The following AFG1L variants were observed in gnomAD, a reference collection of about 807,000 sequenced individuals.
AFG1L encodes the protein AFG1 like ATPase, also known as AFG1-like ATPase.
A neutral mutation model predicts 62.2 loss-of-function variants in AFG1L; 53 were observed. The ratio of observed to expected loss-of-function variants is 0.85; its 90% CI spans 0.68 to 1.07. The LOEUF (loss-of-function observed/expected upper bound fraction) is 1.07, where lower values mean the gene tolerates loss of function less well. AFG1L is among the 50% of genes least tolerant of loss of function. The pLI, the probability that AFG1L is intolerant of heterozygous loss-of-function variation, is 0.00. For synonymous variants in AFG1L, 228 were observed against 210.3 expected (o/e 1.08, Z -0.73); for missense variants, 555 against 590.5 (o/e 0.94, Z 0.62).
intron 5 of AFG1L, among the ~76,000 whole-genome samples, chr6:108,357,635 A>G (rs1779343269): frequency 6.6e-6 from 1 of 152,230 alleles, no homozygotes; most frequent in South Asian, 2.1e-4. Flanking sequence ...AGAACAAGTG[A>G]TTCATCTCAT....
intron 6 of AFG1L, chr6:108,372,993 G>T (rs2114523095): frequency 6.6e-6 from 1 of 152,118 alleles, no homozygotes; most frequent in Middle Eastern, 3.4e-3. Flanking sequence ...CCAGAACTCA[G>T]CCTAGATTTT....
At chr6:108,454,798 G>T (rs540023268) in intron 8 of AFG1L, among the ~76,000 whole-genome samples, 1 of 152,062 alleles carries the variant, frequency 6.6e-6, no homozygotes, top group African/African-American at 2.4e-5. Context: ...GATTACAGGC[G>T]CATGCCACCA....
At chr6:108,463,166 G>A (rs976845460) in intron 8 of AFG1L, among the ~76,000 whole-genome samples, 1 of 151,742 alleles carries the variant, frequency 6.6e-6, no homozygotes, top group African/African-American at 2.4e-5. Flanking sequence ...GTGCATGCCT[G>A]TAATCTCAGC....
intron 10 of AFG1L, among the ~76,000 whole-genome samples, chr6:108,507,082 A>G (rs1370823190): frequency 6.6e-6 from 1 of 152,198 alleles, no homozygotes; most frequent in African/African-American, 2.4e-5. Flanking sequence ...TCATGTTTTT[A>G]AAGAAAAAAG....
intron 8 of AFG1L, among the ~76,000 whole-genome samples, chr6:108,473,860 G>A (rs1185760161): frequency 1.3e-5 from 2 of 152,128 alleles, no homozygotes; most frequent in African/African-American, 4.8e-5. Flanking sequence ...TGCCCGGCCA[G>A]CTCACTTTTT....
intron 12 of AFG1L, 68 bp from the exon 13 acceptor site, chr6:108,522,229 C>A: frequency 6.6e-7 from 1 of 1,509,478 alleles, no homozygotes. Flanking sequence ...TTTTTTTAAA[C>A]CTATACTTAG....
intron 1 of AFG1L, among the ~76,000 whole-genome samples, chr6:108,305,529 A>C (rs1239275690): frequency 2.0e-5 from 3 of 152,066 alleles, no homozygotes; most frequent in Non-Finnish European, 4.4e-5. Context: ...GACCACAGGC[A>C]CAAGCCCCAC....
chr6:108,519,975 A>G, intron 12 of AFG1L, 165 bp downstream of exon 12: 2 of 459,426 alleles, frequency 4.4e-6, no homozygotes, highest in Admixed American at 3.9e-5. Context: ...ATATCACTGA[A>G]TATAGAAAAT....
At chr6:108,407,120 G>A (rs140784370) in intron 7 of AFG1L, among the ~76,000 whole-genome samples, 4 of 152,278 alleles carry the variant, frequency 2.6e-5, no homozygotes, top group Non-Finnish European at 5.9e-5. Context: ...TGGCAGTGGT[G>A]TTGGGATTCC....
At chr6:108,460,827 G>T (rs184248480) in intron 8 of AFG1L, among the ~76,000 whole-genome samples, 4 of 152,194 alleles carry the variant, frequency 2.6e-5, no homozygotes, top group African/African-American at 9.6e-5. Context: ...CATGGTGGCG[G>T]GTGCTTGTAG....
At chr6:108,510,913 C>CA (rs1774619886) in intron 11 of AFG1L, among the ~76,000 whole-genome samples, 1 of 151,876 alleles carries the variant, frequency 6.6e-6, no homozygotes, top group South Asian at 2.1e-4. Flanking sequence ...CCTAGCTCTA[C>CA]AAAAAATAAG....
intron 1 of AFG1L, among the ~76,000 whole-genome samples, chr6:108,307,839 T>G (rs570706885): frequency 9.3e-4 from 141 of 152,202 alleles, no homozygotes; most frequent in Non-Finnish European, 1.8e-3. Flanking sequence ...CACTAACAGC[T>G]GGTATTCTTT....
At chr6:108,517,330 G>C (rs944285161) in intron 11 of AFG1L, among the ~76,000 whole-genome samples, 5 of 152,136 alleles carry the variant, frequency 3.3e-5, no homozygotes, top group African/African-American at 1.2e-4. Flanking sequence ...ACAGAACAGA[G>C]CCCTCAGAAG....
At chr6:108,354,337 C>G (rs1779186478) in intron 3 of AFG1L, among the ~76,000 whole-genome samples, 1 of 151,470 alleles carries the variant, frequency 6.6e-6, no homozygotes, top group South Asian at 2.1e-4. Flanking sequence ...AAGATGGAGT[C>G]TCTCTCTTGT....
intron 1 of AFG1L, among the ~76,000 whole-genome samples, chr6:108,297,908 C>T (rs904650719): frequency 2.6e-5 from 4 of 151,144 alleles, no homozygotes; most frequent in Non-Finnish European, 4.4e-5. Context: ...GAGTTCTAGC[C>T]CTTGAATAGC....
intron 7 of AFG1L, among the ~76,000 whole-genome samples, chr6:108,429,245 G>C (rs1443225794): frequency 2.0e-5 from 3 of 152,128 alleles, no homozygotes; most frequent in Non-Finnish European, 4.4e-5. Context: ...CCGAGACTAG[G>C]TAATTTATAA....
rs536296987 is a variant in AFG1L at position 108,305,929 on chromosome 6, A to G, written c.139+10711A>G. 6.6e-5 allele frequency among the ~76,000 whole-genome samples: 10 copies of G among 152,130 alleles called. No individual in the cohort carries two copies. The East Asian group carries it at 1.9e-3, about 29-fold the overall frequency. ...TTTGTTTGTTTTGTTCTGTTTTGAG[A>G]GTTGTGCTCTGTTGCCCAGGTTGGA... On this transcript the variant is annotated intron_variant, in intron 1 of 12. Transcript: ENST00000368977.
intron 7 of AFG1L, among the ~76,000 whole-genome samples, chr6:108,416,113 A>G (rs1385345158): frequency 6.6e-6 from 1 of 152,256 alleles, no homozygotes; most frequent in Non-Finnish European, 1.5e-5. Context: ...TGGGTGAAGG[A>G]TATGAACAGA....
At chr6:108,338,091 T>G (rs1423767886) in intron 2 of AFG1L, among the ~76,000 whole-genome samples, 1 of 152,042 alleles carries the variant, frequency 6.6e-6, no homozygotes, top group Admixed American at 6.6e-5. Flanking sequence ...GAGGCTAGGG[T>G]GGGAGGATCT....
Sources: allele counts gnomAD v4.1 joint callset (sites outside exome capture counted in the v4.1 genomes callset), GRCh38; gene constraint gnomAD v4.1.1; transcripts MANE v1.5; gene names NCBI Gene and HGNC (gene_info 2026-07-23, HGNC 2026-07-21).